NFATC1: variants seen among roughly 807,000 people sequenced by gnomAD.
NFATC1 encodes nuclear factor of activated T cells 1, also known as nuclear factor of activated T-cells, cytoplasmic 1.
Under a neutral mutation model 76.0 loss-of-function variants are expected in NFATC1, and 22 were observed. That is an observed-to-expected ratio of 0.29 (90% CI 0.21 to 0.41). NFATC1 has a LOEUF of 0.41. Among genes scored for constraint, NFATC1 ranks in the 10% least tolerant of loss-of-function variants. NFATC1 has a pLI of 1.00. For synonymous variants in NFATC1, 704 were observed against 613.1 expected, an observed-to-expected ratio of 1.15 and a Z score of -2.19; for missense variants, 1,357 against 1,337.7, an observed-to-expected ratio of 1.01 and a Z score of -0.23.
At chr18:79,416,394 G>A (rs1418593511) in intron 2 of NFATC1, among the ~76,000 whole-genome samples, 2 of 152,172 alleles carry the variant, frequency 1.3e-5, no homozygotes, top group African/African-American at 4.8e-5. Context: ...TTCGGGCCCC[G>A]GCAGTGTTGG....
intron 2 of NFATC1, among the ~76,000 whole-genome samples, chr18:79,425,887 T>C (rs1051091019): frequency 1.3e-5 from 2 of 152,220 alleles, no homozygotes; most frequent in African/African-American, 4.8e-5. Flanking sequence ...CCGTTCACTG[T>C]AGAAGACTTT....
In NFATC1 at chr18:79,396,045, C is replaced by T. The variant is rs1390500795; in HGVS notation, c.-180C>T. ...AGGGCTCGGAGCCACCGCGCAGGTC[C>T]TAGGGCCGCGGCCGGGCCCCGCCAC... is the stretch of plus-strand genomic sequence containing the variant. On this transcript the variant is annotated 5_prime_UTR_variant, in exon 1 of 10. Coordinates refer to ENST00000427363, the MANE Select transcript of NFATC1 (RefSeq NM_001278669.2). The T allele has an allele frequency of 2.9e-6, 2 of 696,174 alleles. No individual in the cohort carries two copies. Among genetic ancestry groups the T allele is most frequent in the Non-Finnish European group, 3.8e-6 (2 of 532,426 alleles). 43.1% of individuals were successfully genotyped at this position (696,174 alleles called of 1,614,324 possible).
At chr18:79,490,825 G>A (rs903596018) in intron 9 of NFATC1, among the ~76,000 whole-genome samples, 3 of 152,138 alleles carry the variant, frequency 2.0e-5, no homozygotes, top group Admixed American at 6.5e-5. Flanking sequence ...GATGACCTCT[G>A]GCTTGCCCTG....
intron 2 of NFATC1, among the ~76,000 whole-genome samples, chr18:79,426,010 G>A (rs564249070): frequency 5.9e-5 from 9 of 152,286 alleles, no homozygotes; most frequent in African/African-American, 2.2e-4. Context: ...CCAGGAGTTT[G>A]AGACCGCCCT....
intron 9 of NFATC1, among the ~76,000 whole-genome samples, chr18:79,516,831 T>C (rs2090397162): frequency 6.6e-6 from 1 of 152,212 alleles, no homozygotes; most frequent in African/African-American, 2.4e-5. Flanking sequence ...TATTTTCTGA[T>C]CTCTAATTTG....
chr18:79,491,511 C>A (rs78107380), intron 9 of NFATC1, among the ~76,000 whole-genome samples: 3,098 of 152,298 alleles, frequency 0.02, 43 homozygotes, highest in Non-Finnish European at 0.029. Flanking sequence ...CTCAGACACA[C>A]CCCTGACTAT....
In NFATC1 at chr18:79,443,030, A is replaced by C. The variant is rs544715659; in HGVS notation, c.1387-5752A>C. Reference sequence around the variant, plus strand: ...AAAATCCCAAGAGACTTATGTTGAAACAGCCCTTCCCGGTCAGGACTGAGC... The same window carrying C: ...AAAATCCCAAGAGACTTATGTTGAACCAGCCCTTCCCGGTCAGGACTGAGC... On this transcript the variant is annotated intron_variant, in intron 3 of 9. Coordinates refer to ENST00000427363, the MANE Select transcript of NFATC1 (RefSeq NM_001278669.2). 5.9e-5 allele frequency among the ~76,000 whole-genome samples: 9 copies of C among 152,260 alleles called. No homozygotes were observed. In the South Asian group the frequency reaches 1.9e-3, roughly 32 times the overall value.
At chr18:79,484,848 G>T (rs558485568) in intron 8 of NFATC1, among the ~76,000 whole-genome samples, 3 of 150,010 alleles carry the variant, frequency 2.0e-5, no homozygotes, top group South Asian at 2.1e-4. Context: ...GGACCTGTGC[G>T]GGGGGGGAAG....
At chr18:79,488,485 T>C (rs1041801146) in intron 9 of NFATC1, among the ~76,000 whole-genome samples, 24 of 152,130 alleles carry the variant, frequency 1.6e-4, no homozygotes, top group Non-Finnish European at 3.2e-4. Flanking sequence ...CTGGCCACTC[T>C]CTGGAGGTTC....
chr18:79,448,807 C>T lies in NFATC1; in HGVS notation c.1412C>T (p.Pro471Leu), dbSNP rs367668226. 6 of 1,613,772 alleles carry T rather than the reference C, an allele frequency of 3.7e-6. No homozygotes were observed. The highest frequency in any genetic ancestry group is 3.3e-5 in the South Asian group (3 of 91,080). Reference sequence around the variant, plus strand: ...CTGCATGGCTACTTGGAGAATGAGCCGCTGATGCTGCAGCTTTTCATTGGG... The same window carrying T: ...CTGCATGGCTACTTGGAGAATGAGCTGCTGATGCTGCAGCTTTTCATTGGG... ...VQLHGYLENEPLMLQLFIGTA... is the reference protein window; with the variant it reads ...VQLHGYLENELLMLQLFIGTA... Residue 471 changes from proline (P) to leucine (L), a missense_variant, in exon 4 of 10, where the codon CCG becomes CTG. By Grantham distance (98) the Pro-to-Leu change is moderately conservative. This residue lies in a region of NFATC1 where 242 missense variants were observed against 329.2 expected (regional missense o/e 0.74). Transcript: ENST00000427363.
At chr18:79,469,551 T>C in intron 8 of NFATC1, 1 of 986,022 alleles carries the variant, frequency 1.0e-6, no homozygotes, top group Non-Finnish European at 1.2e-6. Context: ...GCCACACTCC[T>C]GCCTCGATTG....
chr18:79,488,298 T>TTGTGTGTGTG lies in NFATC1; in HGVS notation c.2782+1390_2782+1399dup, dbSNP rs3222211. ...TGTCCCATGGAGCCCGCAGCCCTGG[T>TTGTGTGTGTG]TGTGTGTGTGTGTGTGTGTGTGTGT... On this transcript the variant is annotated intron_variant, in intron 9 of 9. Coordinates refer to ENST00000427363, the MANE Select transcript of NFATC1 (RefSeq NM_001278669.2). Among the ~76,000 whole-genome samples, 516 of 141,090 alleles carry TTGTGTGTGTG rather than the reference T, an allele frequency of 3.7e-3. 1 individual carries two copies. Among genetic ancestry groups the TTGTGTGTGTG allele is most frequent in the South Asian group, 4.5e-3 (20 of 4,478 alleles). 92.6% of individuals were successfully genotyped at this position (141,090 alleles called of 152,430 possible).
intron 1 of NFATC1, among the ~76,000 whole-genome samples, chr18:79,408,193 A>G (rs1369075775): frequency 2.6e-5 from 4 of 152,124 alleles, no homozygotes; most frequent in African/African-American, 4.8e-5. Context: ...TTTTTTTGGC[A>G]TTTATCCGTG....
chr18:79,455,412 C>T (rs1428775070), intron 6 of NFATC1, among the ~76,000 whole-genome samples: 6 of 152,176 alleles, frequency 3.9e-5, no homozygotes, highest in Admixed American at 3.9e-4. Context: ...ATCAGGGCCC[C>T]TCTACGTGGC....
At chr18:79,493,392 C>T (rs1160280943) in intron 9 of NFATC1, 1 of 152,262 alleles carries the variant, frequency 6.6e-6, no homozygotes, top group Non-Finnish European at 1.5e-5. Flanking sequence ...CCTCCAGCCT[C>T]GTGAGGACAG....
Position 79,411,178 on chromosome 18 carries a change from G to T in NFATC1, c.903G>T (p.Leu301Phe). Reference sequence around the variant, plus strand: ...TCAGCGTGACCGACGACTCGTGGTTGGGCAACACCACCCAGTACACCAGCT... The same window carrying T: ...TCAGCGTGACCGACGACTCGTGGTTTGGCAACACCACCCAGTACACCAGCT... ...PRVSVTDDSWLGNTTQYTSSA... is the reference protein window; with the variant it reads ...PRVSVTDDSWFGNTTQYTSSA... Residue 301 changes from leucine to phenylalanine, a missense_variant, in exon 2 of 10, where the codon TTG becomes TTT. By Grantham distance (22) the Leu-to-Phe change is conservative. Coordinates refer to ENST00000427363, the MANE Select transcript of NFATC1 (RefSeq NM_001278669.2). 6.2e-7 allele frequency: 1 copy of T among 1,611,854 alleles called. No individual in the cohort carries two copies. The highest frequency in any genetic ancestry group is 1.1e-5 in the South Asian group (1 of 91,074).
intron 9 of NFATC1, among the ~76,000 whole-genome samples, chr18:79,520,499 A>G (rs952596003): frequency 1.3e-5 from 2 of 151,434 alleles, no homozygotes; most frequent in African/African-American, 4.9e-5. Flanking sequence ...ACTGAAAAAT[A>G]AGTATAGCCA....
chr18:79,520,600 T>A, intron 9 of NFATC1, among the ~76,000 whole-genome samples: 1 of 119,756 alleles, frequency 8.4e-6, no homozygotes, highest in Non-Finnish European at 1.7e-5. Flanking sequence ...GATGTGTGTG[T>A]CTGTGTGTGT....
chr18:79,511,845 G>A (rs989692260), intron 9 of NFATC1, among the ~76,000 whole-genome samples: 4 of 152,148 alleles, frequency 2.6e-5, no homozygotes, highest in Non-Finnish European at 5.9e-5. Flanking sequence ...GACTTGCTGC[G>A]GGTCCGGGAC....
Sources: gnomAD v4.1 joint callset for allele counts (sites outside exome capture counted in the v4.1 genomes callset) on GRCh38, gnomAD v4.1.1 for gene constraint, gnomAD v4.1.1 regional missense constraint, MANE v1.5 for transcripts, NCBI Gene and HGNC (gene_info 2026-07-23, HGNC 2026-07-21) for gene names.